The following PPP2R5E variants were observed in gnomAD, a reference collection of about 807,000 sequenced individuals.
The protein encoded by PPP2R5E is protein phosphatase 2 regulatory subunit B'epsilon.
PPP2R5E carries 4 observed loss-of-function variants against 65.3 expected under a neutral mutation model. The ratio of observed to expected loss-of-function variants is 0.06; its 90% CI spans 0.03 to 0.14. The LOEUF is 0.14. Among genes scored for constraint, PPP2R5E ranks in the 10% least tolerant of loss-of-function variants. The pLI is 1.00. For missense variants in PPP2R5E, 274 were observed against 556.1 expected, an observed-to-expected ratio of 0.49 and a Z score of 5.10; for synonymous variants, 183 against 187.4, an observed-to-expected ratio of 0.98 and a Z score of 0.19.
chr14:63,481,921 T>TA (rs2139597946), intron 2 of PPP2R5E, among the ~76,000 whole-genome samples: 1 of 152,350 alleles, frequency 6.6e-6, no homozygotes, highest in Admixed American at 6.5e-5. Flanking sequence ...AACAAACAGT[T>TA]AAAGAATTCA....
At chr14:63,397,368 G>C (rs1188351505) in intron 5 of PPP2R5E, among the ~76,000 whole-genome samples, 1 of 151,980 alleles carries the variant, frequency 6.6e-6, no homozygotes, top group Non-Finnish European at 1.5e-5. Flanking sequence ...CAGGTGTGGT[G>C]GCGGGCACCT....
intron 2 of PPP2R5E, among the ~76,000 whole-genome samples, chr14:63,529,847 A>T (rs1349959501): frequency 1.3e-5 from 2 of 152,204 alleles, no homozygotes; most frequent in Admixed American, 6.5e-5. Context: ...CTTGCATATA[A>T]ATATTGCATA....
Position 63,469,378 on chromosome 14 carries a change from C to T in PPP2R5E, c.158-15493G>A, listed in dbSNP as rs1043314149. Among the ~76,000 whole-genome samples the T allele has an allele frequency of 6.6e-5, 10 of 152,304 alleles. No individual in the cohort carries two copies. In the South Asian group the frequency reaches 1.4e-3, roughly 22 times the overall value. On this transcript the variant is annotated intron_variant, in intron 2 of 13. Coordinates refer to ENST00000337537, the MANE Select transcript of PPP2R5E (RefSeq NM_006246.5). ...AGTCCAGGGGGAAGCAAGATTTGCA[C>T]CTATTAATAATGGCAAAAAATACAA...
chr14:63,378,590 C>T (rs571738618), intron 13 of PPP2R5E, among the ~76,000 whole-genome samples: 1 of 152,322 alleles, frequency 6.6e-6, no homozygotes, highest in Admixed American at 6.5e-5. Context: ...TTCATACTGA[C>T]AACTCTATCT....
At chr14:63,425,062 T>C (rs937826903) in intron 3 of PPP2R5E, among the ~76,000 whole-genome samples, 1 of 152,160 alleles carries the variant, frequency 6.6e-6, no homozygotes, top group African/African-American at 2.4e-5. Context: ...AAGGTTACAA[T>C]TAGTAACCAG....
At chr14:63,422,729 T>TAAAAAAA (rs567590182) in intron 3 of PPP2R5E, among the ~76,000 whole-genome samples, 20 of 88,240 alleles carry the variant, frequency 2.3e-4, no homozygotes, top group African/African-American at 7.9e-4. Flanking sequence ...TCCGTCTATT[T>TAAAAAAA]AAAAAAAAAA....
Position 63,497,476 on chromosome 14 carries a change from G to A in PPP2R5E, c.157+42053C>T, listed in dbSNP as rs1331329674. Among the ~76,000 whole-genome samples, 3 of 152,012 alleles carry A rather than the reference G, an allele frequency of 2.0e-5. No individual in the cohort carries two copies. In the East Asian group the frequency reaches 5.8e-4, roughly 29 times the overall value. On this transcript the variant is annotated intron_variant, in intron 2 of 13. Coordinates refer to ENST00000337537, the MANE Select transcript of PPP2R5E (RefSeq NM_006246.5). ...GTATAAAAACACATGAACCTGGCCAGGTGCAGTGGCTCCCCCCTGTAATTC... is the reference window on the plus strand; with the variant it reads ...GTATAAAAACACATGAACCTGGCCAAGTGCAGTGGCTCCCCCCTGTAATTC...
At position 63,433,296 on chromosome 14, in the gene PPP2R5E, C is replaced by T. The variant is rs183324947; in HGVS notation, c.355-11202G>A. On this transcript the variant is annotated intron_variant, in intron 3 of 13. Coordinates refer to ENST00000337537, the MANE Select transcript of PPP2R5E (RefSeq NM_006246.5). ...CAGGCAATCCACCTGCCTCGGCCTC[C>T]CATAGCATTGGGACTACAGGAGTGA... Among the ~76,000 whole-genome samples, 36 of 152,144 alleles carry T rather than the reference C, an allele frequency of 2.4e-4. No individual in the cohort carries two copies. The East Asian group carries it at 6.8e-3, about 29-fold the overall frequency.
chr14:63,415,270 C>T (rs1461585664), intron 4 of PPP2R5E, 38 bp from the exon 5 acceptor site: 1 of 1,456,780 alleles, frequency 6.9e-7, no homozygotes, highest in African/African-American at 1.4e-5. Context: ...CAAATTATGA[C>T]TCACTGAGAA....
At chr14:63,444,826 T>C (rs1261852666) in intron 3 of PPP2R5E, among the ~76,000 whole-genome samples, 1 of 152,200 alleles carries the variant, frequency 6.6e-6, no homozygotes, top group African/African-American at 2.4e-5. Context: ...TGAAGCAGAA[T>C]GGAGCAAAGC....
chr14:63,476,259 TTTG>T (rs750209753), intron 2 of PPP2R5E, among the ~76,000 whole-genome samples: 4 of 152,080 alleles, frequency 2.6e-5, no homozygotes, highest in Admixed American at 1.3e-4. Flanking sequence ...CCTTTTGCTT[TTTG>T]TTGTTGTTGT....
chr14:63,461,615 A>G (rs1235583249), intron 2 of PPP2R5E, among the ~76,000 whole-genome samples: 1 of 150,404 alleles, frequency 6.6e-6, no homozygotes, highest in Non-Finnish European at 1.5e-5. Flanking sequence ...TAGGCAACAC[A>G]GCGAGATCGC....
At chr14:63,495,555 T>C (rs1035395521) in intron 2 of PPP2R5E, among the ~76,000 whole-genome samples, 1 of 152,024 alleles carries the variant, frequency 6.6e-6, no homozygotes, top group Non-Finnish European at 1.5e-5. Context: ...CACTTCAGCC[T>C]GGGTGACAGT....
intron 2 of PPP2R5E, among the ~76,000 whole-genome samples, chr14:63,527,550 A>T (rs950800416): frequency 6.6e-6 from 1 of 152,184 alleles, no homozygotes; most frequent in East Asian, 1.9e-4. Flanking sequence ...ACTAGGCTAA[A>T]TGTTTTACCT....
chr14:63,411,266 G>T (rs970902724), intron 5 of PPP2R5E, among the ~76,000 whole-genome samples: 2 of 152,108 alleles, frequency 1.3e-5, no homozygotes, highest in Admixed American at 6.5e-5. Context: ...CAGGAAGGAT[G>T]ATAATATACT....
intron 2 of PPP2R5E, among the ~76,000 whole-genome samples, chr14:63,522,706 C>T (rs576507153): frequency 2.3e-3 from 350 of 150,426 alleles, no homozygotes; most frequent in African/African-American, 7.9e-3. Flanking sequence ...AGCGTCTCTG[C>T]CCGGCCGCCC....
intron 3 of PPP2R5E, among the ~76,000 whole-genome samples, chr14:63,422,696 C>T (rs968913100): frequency 3.5e-5 from 5 of 141,986 alleles, no homozygotes; most frequent in Non-Finnish European, 7.5e-5. Context: ...CACTGCACTC[C>T]AGCCTGGATG....
At chr14:63,530,476 G>GC (rs1407569862) in intron 2 of PPP2R5E, among the ~76,000 whole-genome samples, 1 of 151,224 alleles carries the variant, frequency 6.6e-6, no homozygotes. Flanking sequence ...CAGGTGATCT[G>GC]CCCGCCTTGG....
At chr14:63,437,477 G>T (rs763884961) in intron 3 of PPP2R5E, among the ~76,000 whole-genome samples, 1 of 152,018 alleles carries the variant, frequency 6.6e-6, no homozygotes, top group Non-Finnish European at 1.5e-5. Context: ...TACAGAATAG[G>T]ATATAACACA....
Sources: allele counts gnomAD v4.1 joint callset (sites outside exome capture counted in the v4.1 genomes callset), GRCh38; gene constraint gnomAD v4.1.1; transcripts MANE v1.5; gene names NCBI Gene and HGNC (gene_info 2026-07-23, HGNC 2026-07-21).